ZNF568: variants seen among roughly 807,000 people sequenced by gnomAD.
The protein encoded by ZNF568 is p53 inhibitor of SCO2 activation.
Under a neutral mutation model 18.1 loss-of-function variants are expected in ZNF568, and 11 were observed. That is an observed-to-expected ratio of 0.61 (90% CI 0.38 to 1.00). The LOEUF (loss-of-function observed/expected upper bound fraction) is 1.00, where lower values mean the gene tolerates loss of function less well. Ranked by LOEUF, ZNF568 falls within the 50% of genes least tolerant of loss-of-function variation. The pLI is 0.01. For synonymous variants in ZNF568, 213 were observed against 246.6 expected (o/e 0.86, Z 1.28); for missense variants, 639 against 768.2 (o/e 0.83, Z 1.99).
intron 6 of ZNF568, chr19:36,974,322 C>T: frequency 9.6e-7 from 1 of 1,046,634 alleles, no homozygotes; most frequent in Non-Finnish European, 1.4e-6. Context: ...TTTGGTCTCC[C>T]TTTCAGTGCC....
At chr19:36,972,666 G>A (rs996118717) in intron 6 of ZNF568, among the ~76,000 whole-genome samples, 14 of 152,202 alleles carry the variant, frequency 9.2e-5, no homozygotes, top group African/African-American at 3.1e-4. Flanking sequence ...CCCCAGGTCC[G>A]GGCCGACTCC....
chr19:36,927,008 G>A (rs2073567342), intron 4 of ZNF568, among the ~76,000 whole-genome samples: 1 of 152,048 alleles, frequency 6.6e-6, no homozygotes, highest in Non-Finnish European at 1.5e-5. Context: ...TGTCTATTTT[G>A]TAATAATAGT....
At chr19:36,927,886 ATTATATATATATATATATTTTTTTTTT>A (rs1568381431) in intron 4 of ZNF568, among the ~76,000 whole-genome samples, 3 of 48,212 alleles carry the variant, frequency 6.2e-5, no homozygotes, top group Admixed American at 3.5e-4. Flanking sequence ...ATATATATAT[ATTATATATATATATATATTTTTTTTTT>A]TTTTTTTTTT....
intron 2 of ZNF568, among the ~76,000 whole-genome samples, chr19:36,921,599 C>T (rs1211712737): frequency 6.6e-6 from 1 of 151,982 alleles, no homozygotes; most frequent in Non-Finnish European, 1.5e-5. Flanking sequence ...TTCTATCATA[C>T]AGGGCAAAAA....
intron 4 of ZNF568, among the ~76,000 whole-genome samples, chr19:36,925,819 A>G (rs1371512721): frequency 6.6e-6 from 1 of 152,200 alleles, no homozygotes; most frequent in Non-Finnish European, 1.5e-5. Context: ...GGGACGATTT[A>G]AAGTATACGG....
At chr19:36,924,839 A>G (rs1318810170) in intron 3 of ZNF568, among the ~76,000 whole-genome samples, 1 of 151,892 alleles carries the variant, frequency 6.6e-6, no homozygotes, top group Non-Finnish European at 1.5e-5. Context: ...TCAAAAAAAA[A>G]AAGAAAAAAA....
intron 6 of ZNF568, among the ~76,000 whole-genome samples, chr19:36,945,241 GTGTGTGTGTGTA>G: frequency 6.6e-6 from 1 of 151,156 alleles, no homozygotes; most frequent in African/African-American, 2.4e-5. Context: ...GTGTGTGTGT[GTGTGTGTGTGTA>G]TAAAATATAT....
chr19:36,939,422 C>G (rs1209994418), intron 6 of ZNF568, among the ~76,000 whole-genome samples: 1 of 151,946 alleles, frequency 6.6e-6, no homozygotes, highest in African/African-American at 2.4e-5. Context: ...ACAGGAACTG[C>G]TATCTCTGGG....
chr19:36,947,460 T>C (rs577613023), intron 6 of ZNF568, among the ~76,000 whole-genome samples: 2 of 152,294 alleles, frequency 1.3e-5, no homozygotes, highest in African/African-American at 4.8e-5. Flanking sequence ...TTAGAGTGTA[T>C]GGTGAATCTA....
intron 6 of ZNF568, among the ~76,000 whole-genome samples, chr19:36,968,755 A>G (rs1160386981): frequency 6.6e-6 from 1 of 151,492 alleles, no homozygotes; most frequent in Admixed American, 6.6e-5. Flanking sequence ...GTACTGAAGT[A>G]TAATGATTCT....
At chr19:36,972,896 G>A (rs2074247558) in intron 6 of ZNF568, among the ~76,000 whole-genome samples, 1 of 152,250 alleles carries the variant, frequency 6.6e-6, no homozygotes, top group Non-Finnish European at 1.5e-5. Flanking sequence ...CGGCGGGCCC[G>A]GCCGCCCCTT....
At chr19:36,925,332 ATGTGTTGGAAAAAAT>A in intron 4 of ZNF568, 74 bp downstream of exon 4, 1 of 1,263,948 alleles carries the variant, frequency 7.9e-7, no homozygotes, top group Non-Finnish European at 1.1e-6. Context: ...TAACCTACCA[ATGTGTTGGAAAAAAT>A]AAATTGATGA....
At chr19:36,936,907 G>C in intron 5 of ZNF568, 35 bp downstream of exon 5, 5 of 1,603,826 alleles carry the variant, frequency 3.1e-6, no homozygotes, top group Non-Finnish European at 4.3e-6. Context: ...ATTTAACAGA[G>C]AATTCTTTTC....
chr19:36,940,961 G>T (rs1327002086), intron 6 of ZNF568, among the ~76,000 whole-genome samples: 5 of 152,196 alleles, frequency 3.3e-5, no homozygotes. Flanking sequence ...AATCAAGGAT[G>T]AGTTTTCCAT....
intron 4 of ZNF568, among the ~76,000 whole-genome samples, chr19:36,993,101 T>C (rs1438867352): frequency 6.6e-6 from 1 of 152,216 alleles, no homozygotes; most frequent in East Asian, 1.9e-4. Context: ...GCTATGAACA[T>C]TTGTATATAG....
downstream of ZNF568, among the ~76,000 whole-genome samples, chr19:36,956,620 CAG>C (rs1352579839): frequency 6.7e-6 from 1 of 150,124 alleles, no homozygotes; most frequent in Non-Finnish European, 1.5e-5. Context: ...TTTTTTGAGA[CAG>C]GGTGTCACTC....
At chr19:36,919,141 T>C (rs1382427520) in intron 2 of ZNF568, among the ~76,000 whole-genome samples, 2 of 152,196 alleles carry the variant, frequency 1.3e-5, no homozygotes, top group Non-Finnish European at 2.9e-5. Flanking sequence ...TATATATACA[T>C]GTGGTAATGT....
chr19:36,949,568 G>A lies in ZNF568; in HGVS notation c.415G>A (p.Val139Ile). The change falls in exon 7 of 7, where the codon GTC becomes ATC. Residue 139 changes from valine (V) to isoleucine (I), a missense_variant. Val to Ile is a conservative substitution (Grantham distance 29, BLOSUM62 3). Transcript: ENST00000333987. ...KKQQETLVRKVTSISKKILIK... is the reference protein window; with the variant it reads ...KKQQETLVRKITSISKKILIK... Reference sequence around the variant, plus strand: ...GCAACAGGAAACACTTGTGAGGAAAGTCACATCCATCTCCAAGAAAATTCT... The same window carrying A: ...GCAACAGGAAACACTTGTGAGGAAAATCACATCCATCTCCAAGAAAATTCT... The A allele has an allele frequency of 6.2e-7, 1 of 1,611,402 alleles. No homozygotes were observed.
chr19:36,921,490 G>T (rs1245858913), intron 2 of ZNF568, among the ~76,000 whole-genome samples: 1 of 151,804 alleles, frequency 6.6e-6, no homozygotes, highest in African/African-American at 2.4e-5. Flanking sequence ...AGTGATCACT[G>T]TCATGAAAAA....
Sources: allele counts gnomAD v4.1 joint callset (sites outside exome capture counted in the v4.1 genomes callset), GRCh38; gene constraint gnomAD v4.1.1; transcripts MANE v1.5; gene names NCBI Gene and HGNC (gene_info 2026-07-23, HGNC 2026-07-21).